Variants in GALNT7 observed in about 807,000 individuals in gnomAD.
The protein encoded by GALNT7 is polypeptide N-acetylgalactosaminyltransferase 7.
A neutral mutation model predicts 82.1 loss-of-function variants in GALNT7; 60 were observed. The observed-to-expected ratio is 0.73, with a 90% CI of 0.59 to 0.91. GALNT7 has a LOEUF of 0.91. Among genes scored for constraint, GALNT7 ranks in the 40% least tolerant of loss-of-function variants. GALNT7 has a pLI of 0.00. For synonymous variants in GALNT7, 243 were observed against 275.1 expected, an observed-to-expected ratio of 0.88 and a Z score of 1.15; for missense variants, 660 against 804.2, an observed-to-expected ratio of 0.82 and a Z score of 2.17.
chr4:173,306,311 A>G (rs1330099084), intron 8 of GALNT7, among the ~76,000 whole-genome samples: 1 of 152,202 alleles, frequency 6.6e-6, no homozygotes, highest in Non-Finnish European at 1.5e-5. Flanking sequence ...ATATAAGATT[A>G]TGTCATCTGC....
At chr4:173,210,639 C>A (rs1448283182) in intron 1 of GALNT7, among the ~76,000 whole-genome samples, 1 of 151,890 alleles carries the variant, frequency 6.6e-6, no homozygotes, top group South Asian at 2.1e-4. Flanking sequence ...CACCACGTTG[C>A]CCAAGCTGGT....
chr4:173,290,876 C>A (rs1736507227), intron 2 of GALNT7, among the ~76,000 whole-genome samples: 1 of 152,174 alleles, frequency 6.6e-6, no homozygotes. Flanking sequence ...TGTCCCCTGT[C>A]CTCTGTAAGA....
chr4:173,206,350 G>C (rs911315846), intron 1 of GALNT7, among the ~76,000 whole-genome samples: 3 of 152,144 alleles, frequency 2.0e-5, no homozygotes, highest in African/African-American at 7.2e-5. Flanking sequence ...TCTCTCACTT[G>C]GTTTCCTTAG....
chr4:173,247,363 G>T (rs1162854766), intron 1 of GALNT7, among the ~76,000 whole-genome samples: 5 of 150,162 alleles, frequency 3.3e-5, no homozygotes, highest in African/African-American at 1.2e-4. Flanking sequence ...TGGGGGAGTG[G>T]TTTAAAAGCC....
Position 173,248,049 on chromosome 4 carries a change from T to C in GALNT7, c.196T>C (p.Phe66Leu), listed in dbSNP as rs1734715609. ...TGGACTAGCTCCTGGGGAGGACAGA[T>C]TCAAACCTGTGGTACCATGGCCTCA... ...GNGLAPGEDR[F>L]KPVVPWPHVE... is the part of the protein sequence containing the mutation. Residue 66 changes from phenylalanine to leucine, a missense_variant, in exon 2 of 12, where the codon TTC (phenylalanine) becomes CTC (leucine). Physicochemically the swap from Phe to Leu is conservative, Grantham distance 22. This residue lies in a region of GALNT7 where 133 missense variants were observed against 120.7 expected (regional missense o/e 1.10). Transcript: ENST00000265000. 10 of 1,613,708 alleles carry C rather than the reference T, an allele frequency of 6.2e-6. No individual in the cohort carries two copies. Among genetic ancestry groups the C allele is most frequent in the Admixed American group, 1.7e-5 (1 of 59,984 alleles).
Position 173,296,326 on chromosome 4 carries a change from T to C in GALNT7, c.965+483T>C, listed in dbSNP as rs574094439. Among the ~76,000 whole-genome samples the C allele has an allele frequency of 3.9e-5, 6 of 152,306 alleles. No homozygotes were observed. The South Asian group carries it at 1.2e-3, about 32-fold the overall frequency. ...AATAGACAACTATTCCATGGAATTG[T>C]GACAATCACCATTAAATTTCCAGAA... On this transcript the variant is annotated intron_variant, in intron 5 of 11. Transcript: ENST00000265000.
At chr4:173,232,255 G>A (rs1734052479) in intron 1 of GALNT7, among the ~76,000 whole-genome samples, 1 of 151,810 alleles carries the variant, frequency 6.6e-6, no homozygotes, top group African/African-American at 2.4e-5. Context: ...CCTGGTTAGG[G>A]AGACTTTCAG....
intron 5 of GALNT7, chr4:173,297,797 C>G: frequency 7.1e-7 from 1 of 1,404,814 alleles, no homozygotes. Flanking sequence ...TGTTTCAGAA[C>G]TACATGTACT....
intron 1 of GALNT7, among the ~76,000 whole-genome samples, chr4:173,231,304 A>T (rs910727297): frequency 2.0e-5 from 3 of 152,208 alleles, no homozygotes; most frequent in Non-Finnish European, 2.9e-5. Flanking sequence ...ACATGATTTT[A>T]AAAAGCAGAA....
chr4:173,265,354 A>G (rs1475057502), intron 2 of GALNT7, among the ~76,000 whole-genome samples: 1 of 152,148 alleles, frequency 6.6e-6, no homozygotes, highest in Non-Finnish European at 1.5e-5. Context: ...TGTTTGGTGA[A>G]TAGTTGTCAT....
At chr4:173,173,090 G>C (rs564201288) in intron 1 of GALNT7, among the ~76,000 whole-genome samples, 7 of 152,218 alleles carry the variant, frequency 4.6e-5, no homozygotes, top group Middle Eastern at 3.4e-3. Context: ...TGATTCAAGA[G>C]CTCCTAAAGA....
intron 3 of GALNT7, among the ~76,000 whole-genome samples, chr4:173,295,116 A>G (rs1005750241): frequency 6.6e-6 from 1 of 152,272 alleles, no homozygotes; most frequent in African/African-American, 2.4e-5. Flanking sequence ...AACAGGAACA[A>G]AAATTTTAAT....
At chr4:173,284,669 T>C (rs529840853) in intron 2 of GALNT7, among the ~76,000 whole-genome samples, 9 of 151,398 alleles carry the variant, frequency 5.9e-5, no homozygotes, top group African/African-American at 2.2e-4. Context: ...TATTATGAAA[T>C]AAAATTTTAC....
chr4:173,213,221 T>C (rs1297473277), intron 1 of GALNT7, among the ~76,000 whole-genome samples: 1 of 72,618 alleles, frequency 1.4e-5, no homozygotes, highest in East Asian at 8.3e-4. Flanking sequence ...ATTCTCCTCC[T>C]TTCTAGTTTT....
chr4:173,315,501 C>G (rs990532706), intron 9 of GALNT7, among the ~76,000 whole-genome samples: 3 of 152,066 alleles, frequency 2.0e-5, no homozygotes, highest in Non-Finnish European at 4.4e-5. Context: ...TTTCATGGGA[C>G]TGAATGAGGT....
intron 2 of GALNT7, among the ~76,000 whole-genome samples, chr4:173,279,901 G>C (rs1387529514): frequency 6.6e-6 from 1 of 152,064 alleles, no homozygotes; most frequent in Non-Finnish European, 1.5e-5. Context: ...CTTGAACCCG[G>C]GTGGCAGAGG....
intron 1 of GALNT7, among the ~76,000 whole-genome samples, chr4:173,240,647 G>T (rs567327851): frequency 6.6e-6 from 1 of 152,218 alleles, no homozygotes; most frequent in East Asian, 1.9e-4. Context: ...GAGATTATAG[G>T]CATGAGCCAC....
Position 173,322,307 on chromosome 4 carries a change from T to C in GALNT7, c.*590T>C, listed in dbSNP as rs1737850016. 6.5e-6 allele frequency: 1 copy of C among 152,856 alleles called. No homozygotes were observed. The highest frequency in any genetic ancestry group is 2.1e-4 in the South Asian group (1 of 4,840). 9.5% of individuals were successfully genotyped at this position (152,856 alleles called of 1,614,324 possible). On this transcript the variant is annotated 3_prime_UTR_variant, in exon 12 of 12. Coordinates refer to ENST00000265000, the MANE Select transcript of GALNT7 (RefSeq NM_017423.3). Reference sequence around the variant, plus strand: ...TTTCAAGAGCTTGTGATGAAATCTATAGGATGGTAATGATGGACTTGTCAC... The same window carrying C: ...TTTCAAGAGCTTGTGATGAAATCTACAGGATGGTAATGATGGACTTGTCAC...
intron 2 of GALNT7, among the ~76,000 whole-genome samples, chr4:173,261,798 G>A (rs932113413): frequency 3.3e-5 from 5 of 152,064 alleles, no homozygotes; most frequent in Non-Finnish European, 7.3e-5. Flanking sequence ...CAGCCTGGGG[G>A]ACAGAGCCAG....
Sources: gnomAD v4.1 joint callset for allele counts (sites outside exome capture counted in the v4.1 genomes callset) on GRCh38, gnomAD v4.1.1 for gene constraint, gnomAD v4.1.1 regional missense constraint, MANE v1.5 for transcripts, NCBI Gene and HGNC (gene_info 2026-07-23, HGNC 2026-07-21) for gene names.